The following PCDH15 variants were observed in gnomAD, a reference collection of about 807,000 sequenced individuals.
PCDH15 encodes protocadherin related 15.
Under a neutral mutation model 178.5 loss-of-function variants are expected in PCDH15, and 129 were observed. That is an observed-to-expected ratio of 0.72 (90% CI 0.63 to 0.84). The LOEUF (loss-of-function observed/expected upper bound fraction) is 0.84. Ranked by LOEUF, PCDH15 falls within the 40% of genes least tolerant of loss-of-function variation. The probability of loss-of-function intolerance (pLI) is 0.00; values close to 1 mark genes in which losing one functional copy is unlikely to be tolerated. For missense variants in PCDH15, 2,230 were observed against 2,099.9 expected (o/e 1.06, Z -1.21); for synonymous variants, 800 against 732.0 (o/e 1.09, Z -1.50).
At chr10:54,253,138 A>G (rs1327947983) in intron 8 of PCDH15, among the ~76,000 whole-genome samples, 1 of 152,118 alleles carries the variant, frequency 6.6e-6, no homozygotes, top group Non-Finnish European at 1.5e-5. Flanking sequence ...GGTTTACTAG[A>G]GAAATATCAT....
intron 2 of PCDH15, among the ~76,000 whole-genome samples, chr10:54,981,922 C>A (rs1274381215): frequency 6.6e-6 from 1 of 151,726 alleles, no homozygotes. Context: ...ACTCTTGGTG[C>A]ACATTTTGTT....
chr10:54,642,500 G>A (rs1466783657), intron 2 of PCDH15, among the ~76,000 whole-genome samples: 1 of 152,096 alleles, frequency 6.6e-6, no homozygotes, highest in Non-Finnish European at 1.5e-5. Context: ...ATCTTTCATA[G>A]TATCTAGCAG....
At chr10:55,456,040 C>T (rs1037605975) in intron 2 of PCDH15, among the ~76,000 whole-genome samples, 1 of 152,036 alleles carries the variant, frequency 6.6e-6, no homozygotes, top group Non-Finnish European at 1.5e-5. Flanking sequence ...CTCATCATGG[C>T]TGTTAAGGTG....
chr10:55,567,576 C>T (rs1325931113), intron 2 of PCDH15, among the ~76,000 whole-genome samples: 2 of 151,660 alleles, frequency 1.3e-5, no homozygotes, highest in Non-Finnish European at 2.9e-5. Context: ...ATACAGAGCA[C>T]TCCTAAAGCT....
At chr10:54,183,087 T>G (rs2048148460) in intron 13 of PCDH15, among the ~76,000 whole-genome samples, 1 of 152,112 alleles carries the variant, frequency 6.6e-6, no homozygotes, top group Admixed American at 6.6e-5. Context: ...GTTCAAGCGA[T>G]TCTCCTGCCT....
At chr10:55,165,226 C>T (rs1353089386) in intron 2 of PCDH15, among the ~76,000 whole-genome samples, 1 of 151,820 alleles carries the variant, frequency 6.6e-6, no homozygotes, top group African/African-American at 2.4e-5. Flanking sequence ...AAAACAATTT[C>T]ATGTGATTTT....
In PCDH15 at chr10:55,277,713, T is replaced by C. The variant is rs1416804944; in HGVS notation, c.-156+41886A>G. 4.6e-5 allele frequency among the ~76,000 whole-genome samples: 7 copies of C among 152,176 alleles called. No homozygotes were observed. In the East Asian group the frequency reaches 1.4e-3, roughly 30 times the overall value. ...CTTGTCAGCTCTGAGATGATTTTTC[T>C]TCACTCTACTCAATATGTGCCTATA... On this transcript the variant is annotated intron_variant, in intron 1 of 5. Coordinates refer to the PCDH15 transcript ENST00000458638.
At chr10:54,235,355 G>A (rs940219562) in intron 9 of PCDH15, among the ~76,000 whole-genome samples, 2 of 152,150 alleles carry the variant, frequency 1.3e-5, no homozygotes, top group East Asian at 1.9e-4. Context: ...GTAGGTGATC[G>A]TTTGTTGAGA....
In PCDH15 at chr10:54,600,249, G is replaced by A. The variant is rs141426551; in HGVS notation, c.91+63923C>T. The A allele has an allele frequency of 6.2e-4, 345 of 560,576 alleles. 1 individual carries two copies. The African/African-American group carries it at 6.2e-3, about 10-fold the overall frequency. 34.7% of individuals were successfully genotyped at this position (560,576 alleles called of 1,614,324 possible). On this transcript the variant is annotated intron_variant, in intron 2 of 37. Coordinates refer to ENST00000644397, the MANE Select transcript of PCDH15 (RefSeq NM_001384140.1). ...AAGAAGAGGGAAGCCACAGCAACAG[G>A]AGAAAGAGGAGAAAGTGGGAGGAAA... is the stretch of plus-strand genomic sequence containing the variant.
intron 26 of PCDH15, among the ~76,000 whole-genome samples, chr10:53,888,334 ACG>A (rs1364372192): frequency 1.4e-3 from 114 of 83,110 alleles, no homozygotes; most frequent in Admixed American, 1.9e-3. Context: ...ATATATATGT[ACG>A]TATATATATA....
In PCDH15 at chr10:54,069,271, C is replaced by T. The variant is rs769724902; in HGVS notation, c.2092-2386G>A. Among the ~76,000 whole-genome samples, 114 of 152,084 alleles carry T rather than the reference C, an allele frequency of 7.5e-4. 2 individuals are homozygous for T. Among genetic ancestry groups the T allele is most frequent in the Non-Finnish European group, 6.3e-4 (43 of 68,020 alleles). On this transcript the variant is annotated intron_variant, in intron 17 of 37. Coordinates refer to ENST00000644397, the MANE Select transcript of PCDH15 (RefSeq NM_001384140.1). ...ACCAGCCTGTCTTTACCTGTCAATC[C>T]ACTGTTTTTCTCATCCTATTCTTTA...
intron 2 of PCDH15, among the ~76,000 whole-genome samples, chr10:55,612,015 G>C (rs565763757): frequency 6.6e-6 from 1 of 152,154 alleles, no homozygotes; most frequent in East Asian, 1.9e-4. Context: ...ACCAGAGGCT[G>C]GAGGAGGCGG....
At chr10:53,950,290 T>C (rs2086909319) in intron 23 of PCDH15, among the ~76,000 whole-genome samples, 1 of 152,060 alleles carries the variant, frequency 6.6e-6, no homozygotes, top group Non-Finnish European at 1.5e-5. Context: ...TTTGCCCTTA[T>C]TTTATTATAT....
intron 2 of PCDH15, among the ~76,000 whole-genome samples, chr10:55,538,132 G>A (rs1564441605): frequency 6.6e-6 from 1 of 152,146 alleles, no homozygotes; most frequent in Admixed American, 6.6e-5. Context: ...ATATCAGCCT[G>A]CAGGATCACA....
chr10:55,458,497 T>C (rs769425120), intron 2 of PCDH15, among the ~76,000 whole-genome samples: 18 of 151,918 alleles, frequency 1.2e-4, no homozygotes, highest in Admixed American at 5.3e-4. Flanking sequence ...TAAAGAAAAA[T>C]ACAAATTTAG....
chr10:54,077,076 A>G lies in PCDH15; in HGVS notation c.2091+2255T>C, dbSNP rs1343109401. Among the ~76,000 whole-genome samples, 4 of 152,262 alleles carry G rather than the reference A, an allele frequency of 2.6e-5. No homozygotes were observed. The South Asian group carries it at 8.3e-4, about 32-fold the overall frequency. ...AACCCACTGTGTATGCCTACATATA[A>G]GTATATCCGTAAAATTATATAAATG... is the stretch of plus-strand genomic sequence containing the variant. On this transcript the variant is annotated intron_variant, in intron 17 of 37. Transcript: ENST00000644397.
chr10:55,596,165 T>G (rs896093040), intron 2 of PCDH15, among the ~76,000 whole-genome samples: 1 of 152,132 alleles, frequency 6.6e-6, no homozygotes, highest in Non-Finnish European at 1.5e-5. Context: ...CACCACCATA[T>G]AGACACAGCA....
At chr10:55,537,558 C>T (rs1841608326) in intron 2 of PCDH15, among the ~76,000 whole-genome samples, 1 of 152,116 alleles carries the variant, frequency 6.6e-6, no homozygotes, top group Admixed American at 6.5e-5. Context: ...GCCTCAGCCT[C>T]CCCAGTAGCT....
chr10:54,536,997 CTTTTTTTT>C (rs747880795), intron 2 of PCDH15, among the ~76,000 whole-genome samples: 4 of 92,118 alleles, frequency 4.3e-5, no homozygotes, highest in African/African-American at 1.6e-4. Flanking sequence ...AATTTGTTTC[CTTTTTTTT>C]TTTTTTTTTT....
Sources: allele counts gnomAD v4.1 joint callset (sites outside exome capture counted in the v4.1 genomes callset), GRCh38; gene constraint gnomAD v4.1.1; transcripts MANE v1.5; gene names NCBI Gene and HGNC (gene_info 2026-07-23, HGNC 2026-07-21).